The following MEGF9 variants were observed in gnomAD, a reference collection of about 807,000 sequenced individuals.
The protein encoded by MEGF9 is multiple EGF like domains 9, also known as multiple epidermal growth factor-like domains protein 9.
Under a neutral mutation model 46.8 loss-of-function variants are expected in MEGF9, and 6 were observed. The observed-to-expected ratio is 0.13, with a 90% CI of 0.07 to 0.25. The LOEUF is 0.25. Ranked by LOEUF, MEGF9 falls within the 10% of genes least tolerant of loss-of-function variation. The probability of loss-of-function intolerance (pLI) is 1.00; values close to 1 mark genes in which losing one functional copy is unlikely to be tolerated. For synonymous variants in MEGF9, 302 were observed against 330.7 expected (o/e 0.91, Z 0.94); for missense variants, 683 against 792.4 (o/e 0.86, Z 1.66).
intron 1 of MEGF9, among the ~76,000 whole-genome samples, chr9:120,705,637 T>G (rs2043925929): frequency 6.6e-6 from 1 of 152,018 alleles, no homozygotes; most frequent in Admixed American, 6.6e-5. Flanking sequence ...ATTATTTTGA[T>G]ACAAATTTAT....
rs771436865 is a variant in MEGF9, at chr9:120,713,976, G to A, written c.383C>T (p.Pro128Leu). 7.2e-7 allele frequency: 1 copy of A among 1,381,516 alleles called. No homozygotes were observed. The highest frequency in any genetic ancestry group is 2.7e-5 in the Admixed American group (1 of 36,572). 85.6% of individuals were successfully genotyped at this position (1,381,516 alleles called of 1,614,324 possible). ...GGTGGTCGAAGTGCGTTCCGCCGCC[G>A]GAGGGGTGGTCGGCGAGGGGCCGAG... is the stretch of plus-strand genomic sequence containing the variant. ...APLGPSPTTP[P>L]AAERTSTTSQ... The change falls in exon 1 of 6, where the codon CCG becomes CTG. Residue 128 changes from proline to leucine, a missense_variant. Physicochemically the swap from Pro to Leu is moderately conservative, Grantham distance 98. Coordinates refer to ENST00000373930, the MANE Select transcript of MEGF9 (RefSeq NM_001080497.3).
At chr9:120,667,984 C>CACT (rs2043732786) in intron 1 of MEGF9, among the ~76,000 whole-genome samples, 1 of 152,212 alleles carries the variant, frequency 6.6e-6, no homozygotes, top group Admixed American at 6.5e-5. Context: ...GAGATCGTGC[C>CACT]ACTGCACTCC....
At position 120,604,301 on chromosome 9, in the gene MEGF9, T is replaced by C. The variant is rs949519302; in HGVS notation, c.*889A>G. On this transcript the variant is annotated 3_prime_UTR_variant, in exon 6 of 6. Transcript: ENST00000373930. ...CACCAGAGTCCCAGCTCTAGCAATA[T>C]TGCCATCTATTTTACAGTATTTTAA... 8 of 152,424 alleles carry C rather than the reference T, an allele frequency of 5.2e-5. No homozygotes were observed. The East Asian group carries it at 5.8e-4, about 11-fold the overall frequency. The allele number at this position is 152,424 out of a possible 1,614,324, so 9.4% of individuals were successfully genotyped here. A position where few individuals can be genotyped will look rare whatever the true frequency, so the allele number is the denominator to read the frequency against.
Position 120,714,306 on chromosome 9 carries a change from A to C in MEGF9, c.53T>G (p.Leu18Arg). The C allele has an allele frequency of 7.6e-7, 1 of 1,313,516 alleles. No individual in the cohort carries two copies. The highest frequency in any genetic ancestry group is 9.7e-7 in the Non-Finnish European group (1 of 1,029,366). The allele number at this position is 1,313,516 out of a possible 1,614,324, so 81.4% of individuals were successfully genotyped here. Reference protein sequence around the residue: ...AMRSLPSLGGLALLCCAAAAA... With the variant: ...AMRSLPSLGGRALLCCAAAAA... ...GGCGGCGGCGCAGCACAACAGGGCG[A>C]GGCCGCCCAGGCTCGGCAGGCTCCT... Residue 18 changes from leucine (L) to arginine (R), a missense_variant, in exon 1 of 6, where the codon CTC (leucine) becomes CGC (arginine). Physicochemically the swap from Leu to Arg is moderately radical, Grantham distance 102. Coordinates refer to ENST00000373930, the MANE Select transcript of MEGF9 (RefSeq NM_001080497.3).
At chr9:120,678,805 T>C (rs1472745444) in intron 1 of MEGF9, among the ~76,000 whole-genome samples, 1 of 152,186 alleles carries the variant, frequency 6.6e-6, no homozygotes, top group Non-Finnish European at 1.5e-5. Flanking sequence ...CCTGTCTTCA[T>C]GTTCACTAGT....
intron 2 of MEGF9, among the ~76,000 whole-genome samples, chr9:120,654,513 G>A (rs1044380327): frequency 3.9e-5 from 6 of 152,170 alleles, no homozygotes; most frequent in South Asian, 2.1e-4. Context: ...GGTGATGTTG[G>A]TGTAAACAAA....
intron 3 of MEGF9, among the ~76,000 whole-genome samples, chr9:120,617,902 T>C (rs1156796301): frequency 6.6e-6 from 1 of 152,132 alleles, no homozygotes; most frequent in Non-Finnish European, 1.5e-5. Context: ...AGGAGCAAAA[T>C]CAAAAATGAC....
At chr9:120,686,247 C>G (rs765103994) in intron 1 of MEGF9, among the ~76,000 whole-genome samples, 6 of 152,056 alleles carry the variant, frequency 3.9e-5, no homozygotes, top group Non-Finnish European at 8.8e-5. Context: ...CCCGCCACCA[C>G]GCCTGGATAA....
chr9:120,631,029 T>A (rs567212624), intron 2 of MEGF9, among the ~76,000 whole-genome samples: 3 of 152,346 alleles, frequency 2.0e-5, no homozygotes, highest in Admixed American at 1.3e-4. Context: ...TCTGTGCTGA[T>A]GAGGTCTTCA....
intron 5 of MEGF9, among the ~76,000 whole-genome samples, chr9:120,606,157 C>T (rs1029836152): frequency 2.3e-4 from 32 of 140,012 alleles, no homozygotes; most frequent in Non-Finnish European, 4.2e-4. Flanking sequence ...GGTGACAGAG[C>T]GAGACTCTGT....
Position 120,602,514 on chromosome 9 carries a change from A to G in MEGF9, c.*2676T>C, listed in dbSNP as rs1308272218. On this transcript the variant is annotated 3_prime_UTR_variant, in exon 6 of 6. Transcript: ENST00000373930. ...CTCGAGACATTAGAGGATCTTATTTAAAACAAATTTTAAGACTTTTTTTCC... is the reference window on the plus strand; with the variant it reads ...CTCGAGACATTAGAGGATCTTATTTGAAACAAATTTTAAGACTTTTTTTCC... 6.6e-6 allele frequency: 1 copy of G among 152,594 alleles called. No individual in the cohort carries two copies. The highest frequency in any genetic ancestry group is 1.5e-5 in the Non-Finnish European group (1 of 68,048). 9.5% of individuals were successfully genotyped at this position (152,594 alleles called of 1,614,324 possible).
intron 2 of MEGF9, among the ~76,000 whole-genome samples, chr9:120,657,038 T>G (rs1270427748): frequency 6.6e-6 from 1 of 152,206 alleles, no homozygotes; most frequent in East Asian, 1.9e-4. Context: ...GTGGGTAAAC[T>G]TTTTCCAAAA....
At chr9:120,623,294 A>G (rs918333911) in intron 2 of MEGF9, among the ~76,000 whole-genome samples, 1 of 152,156 alleles carries the variant, frequency 6.6e-6, no homozygotes, top group Non-Finnish European at 1.5e-5. Context: ...ATCAAGCTTC[A>G]TTCTGTAGAT....
intron 1 of MEGF9, among the ~76,000 whole-genome samples, chr9:120,675,412 C>A (rs764551695): frequency 6.6e-6 from 1 of 151,822 alleles, no homozygotes; most frequent in Non-Finnish European, 1.5e-5. Flanking sequence ...ATAGTGAAAC[C>A]CCATCTTTAT....
chr9:120,615,298 T>TAC (rs747662443), intron 3 of MEGF9, among the ~76,000 whole-genome samples: 13 of 146,180 alleles, frequency 8.9e-5, no homozygotes, highest in East Asian at 6.0e-4. Flanking sequence ...CATGTGTGTG[T>TAC]ACACACACAC....
At chr9:120,639,092 C>G (rs1407001596) in intron 2 of MEGF9, among the ~76,000 whole-genome samples, 1 of 152,014 alleles carries the variant, frequency 6.6e-6, no homozygotes, top group Non-Finnish European at 1.5e-5. Flanking sequence ...TGTGGCTTGT[C>G]TTTTCATTTC....
intron 2 of MEGF9, among the ~76,000 whole-genome samples, chr9:120,631,527 C>G (rs577695779): frequency 6.6e-6 from 1 of 151,808 alleles, no homozygotes; most frequent in Non-Finnish European, 1.5e-5. Context: ...CCCTGTCACC[C>G]GGGCTGGAGT....
chr9:120,710,175 T>C (rs2043946878), intron 1 of MEGF9, among the ~76,000 whole-genome samples: 2 of 151,914 alleles, frequency 1.3e-5, no homozygotes, highest in African/African-American at 4.8e-5. Flanking sequence ...ACACCTGTAA[T>C]TACAGTACTT....
At chr9:120,612,343 T>C (rs1392298044) in intron 4 of MEGF9, 53 bp downstream of exon 4, 2 of 1,574,250 alleles carry the variant, frequency 1.3e-6, no homozygotes, top group Non-Finnish European at 1.7e-6. Context: ...TTATACCTAT[T>C]GATAACTGAT....
Sources: gnomAD v4.1 joint callset for allele counts (sites outside exome capture counted in the v4.1 genomes callset) on GRCh38, gnomAD v4.1.1 for gene constraint, MANE v1.5 for transcripts, NCBI Gene and HGNC (gene_info 2026-07-23, HGNC 2026-07-21) for gene names.